The following SMARCC1 variants were observed in gnomAD, a reference collection of about 807,000 sequenced individuals.
The protein encoded by SMARCC1 is SWI/SNF complex subunit SMARCC1.
SMARCC1 carries 43 observed loss-of-function variants against 147.4 expected under a neutral mutation model. The observed-to-expected ratio is 0.29, with a 90% CI of 0.23 to 0.38. SMARCC1 has a LOEUF of 0.38. Ranked by LOEUF, SMARCC1 falls within the 10% of genes least tolerant of loss-of-function variation. SMARCC1 has a pLI of 1.00. For synonymous variants in SMARCC1, 495 were observed against 484.4 expected, an observed-to-expected ratio of 1.02 and a Z score of -0.29; for missense variants, 1,119 against 1,381.1, an observed-to-expected ratio of 0.81 and a Z score of 3.01.
At chr3:47,769,601 C>T (rs1239844345) in intron 2 of SMARCC1, among the ~76,000 whole-genome samples, 1 of 152,094 alleles carries the variant, frequency 6.6e-6, no homozygotes, top group Non-Finnish European at 1.5e-5. Flanking sequence ...AGAACTCACA[C>T]TCAACTTTCA....
intron 21 of SMARCC1, among the ~76,000 whole-genome samples, chr3:47,643,972 C>T (rs1405412852): frequency 2.0e-5 from 3 of 152,244 alleles, no homozygotes; most frequent in South Asian, 4.2e-4. Flanking sequence ...GGGAGGAATG[C>T]GGCCAGCAAT....
chr3:47,677,150 G>A (rs901871023), intron 16 of SMARCC1, among the ~76,000 whole-genome samples: 3 of 152,164 alleles, frequency 2.0e-5, no homozygotes, highest in Non-Finnish European at 2.9e-5. Flanking sequence ...AGGCTGGAGT[G>A]CAATGGTGCG....
chr3:47,773,781 C>A (rs2034942737), intron 1 of SMARCC1, among the ~76,000 whole-genome samples: 1 of 151,922 alleles, frequency 6.6e-6, no homozygotes, highest in Non-Finnish European at 1.5e-5. Flanking sequence ...AGGCGCGCAA[C>A]CACCATGCCC....
intron 21 of SMARCC1, among the ~76,000 whole-genome samples, chr3:47,639,054 A>C (rs2033012952): frequency 6.6e-6 from 1 of 152,186 alleles, no homozygotes; most frequent in South Asian, 2.1e-4. Context: ...TCAATTGGGA[A>C]AGGGGAGGTC....
chr3:47,684,363 C>T (rs1226963988), intron 14 of SMARCC1, among the ~76,000 whole-genome samples: 1 of 151,512 alleles, frequency 6.6e-6, no homozygotes, highest in Non-Finnish European at 1.5e-5. Context: ...AACATTTTTA[C>T]ATGCCAGGAT....
rs765475787 is a variant in SMARCC1 at position 47,636,054 on chromosome 3, T to C, written c.2459A>G (p.Gln820Arg). 25 of 1,599,022 alleles carry C rather than the reference T, an allele frequency of 1.6e-5. No homozygotes were observed. The African/African-American group carries it at 1.7e-4, about 11-fold the overall frequency. ...GENEKNSEKEQDSEVSEDTKS... is the reference protein window; with the variant it reads ...GENEKNSEKERDSEVSEDTKS... ...GGTATCCTCACTCACTTCACTATCC[T>C]GTTCCTTTTCACTATTTTTTTCATT... The change falls in exon 23 of 28, where the codon CAG becomes CGG. Residue 820 changes from glutamine (Q) to arginine (R), a missense_variant. Around this residue, in one of 6 missense-constraint regions of SMARCC1, gnomAD observed 157 missense variants for 158.6 expected, o/e 0.99. Transcript: ENST00000254480.
chr3:47,591,546 G>C (rs1167151341), intron 26 of SMARCC1, among the ~76,000 whole-genome samples: 2 of 150,270 alleles, frequency 1.3e-5, no homozygotes, highest in African/African-American at 4.9e-5. Flanking sequence ...CCTTTTGTTT[G>C]TTTCTTTCTT....
intron 6 of SMARCC1, 106 bp from the exon 7 acceptor site, chr3:47,720,841 A>G: frequency 2.2e-6 from 2 of 905,680 alleles, no homozygotes; most frequent in Non-Finnish European, 3.5e-6. Context: ...CTAACGAACA[A>G]CATTTTTCGA....
intron 2 of SMARCC1, among the ~76,000 whole-genome samples, chr3:47,753,768 G>A (rs911553056): frequency 4.1e-5 from 6 of 145,186 alleles, no homozygotes; most frequent in South Asian, 2.2e-4. Flanking sequence ...AAAAAGAAAC[G>A]TGTTTCTATG....
intron 10 of SMARCC1, among the ~76,000 whole-genome samples, chr3:47,703,983 A>G (rs2033959267): frequency 6.6e-6 from 1 of 152,054 alleles, no homozygotes. Flanking sequence ...TATTTTTAGT[A>G]GAGACAGCGT....
intron 18 of SMARCC1, among the ~76,000 whole-genome samples, chr3:47,671,475 C>A (rs1182244558): frequency 1.3e-5 from 2 of 152,098 alleles, no homozygotes; most frequent in Non-Finnish European, 2.9e-5. Context: ...CTGCAATAAG[C>A]CCATATTATC....
At position 47,588,076 on chromosome 3, in the gene SMARCC1, G is replaced by A. The variant is rs1222165628; in HGVS notation, c.*133C>T. On this transcript the variant is annotated 3_prime_UTR_variant, in exon 28 of 28. Transcript: ENST00000254480. ...AGAGGGGTGGTAAGAGGAGTGGGGAGGCACGGGACACGTGCTTGGAGCTGT... is the reference window on the plus strand; with the variant it reads ...AGAGGGGTGGTAAGAGGAGTGGGGAAGCACGGGACACGTGCTTGGAGCTGT... 4.4e-6 allele frequency: 3 copies of A among 679,656 alleles called. No homozygotes were observed. Among genetic ancestry groups the A allele is most frequent in the Admixed American group, 5.7e-5 (2 of 34,868 alleles). 42.1% of individuals were successfully genotyped at this position (679,656 alleles called of 1,614,324 possible).
chr3:47,681,423 C>T (rs958986145), intron 14 of SMARCC1, among the ~76,000 whole-genome samples: 6 of 151,996 alleles, frequency 3.9e-5, no homozygotes, highest in Non-Finnish European at 8.8e-5. Flanking sequence ...TATATGCAAA[C>T]GCTAATAATT....
At chr3:47,712,195 G>A (rs1270362526) in intron 8 of SMARCC1, among the ~76,000 whole-genome samples, 2 of 152,110 alleles carry the variant, frequency 1.3e-5, no homozygotes, top group African/African-American at 4.8e-5. Flanking sequence ...TCACGCCATT[G>A]CACTCCAGCC....
chr3:47,682,379 G>A (rs1408755803), intron 14 of SMARCC1, among the ~76,000 whole-genome samples: 2 of 151,910 alleles, frequency 1.3e-5, no homozygotes, highest in South Asian at 2.1e-4. Flanking sequence ...CCTAAGCTCA[G>A]GCAATCTTTC....
At chr3:47,652,954 T>TC (rs2033209786) in intron 21 of SMARCC1, among the ~76,000 whole-genome samples, 1 of 148,778 alleles carries the variant, frequency 6.7e-6, no homozygotes, top group East Asian at 2.0e-4. Flanking sequence ...ACTTTCTTTT[T>TC]TTTTTTTTTT....
At chr3:47,755,378 T>C (rs1257780398) in intron 2 of SMARCC1, among the ~76,000 whole-genome samples, 2 of 149,832 alleles carry the variant, frequency 1.3e-5, no homozygotes, top group Non-Finnish European at 1.5e-5. Context: ...CAGCCTGTAG[T>C]CCGAACTACT....
chr3:47,687,962 TTAA>T (rs1447623743), intron 13 of SMARCC1, among the ~76,000 whole-genome samples: 2 of 152,186 alleles, frequency 1.3e-5, no homozygotes, highest in South Asian at 2.1e-4. Flanking sequence ...GTAATGTTCA[TTAA>T]TAAGTGGCTC....
At chr3:47,712,146 C>A (rs1372528341) in intron 8 of SMARCC1, among the ~76,000 whole-genome samples, 5 of 152,112 alleles carry the variant, frequency 3.3e-5, no homozygotes, top group Non-Finnish European at 7.4e-5. Context: ...GCAGGAGAAT[C>A]ACTTGAACCC....
Sources: gnomAD v4.1 joint callset for allele counts (sites outside exome capture counted in the v4.1 genomes callset) on GRCh38, gnomAD v4.1.1 for gene constraint, gnomAD v4.1.1 regional missense constraint, MANE v1.5 for transcripts, NCBI Gene and HGNC (gene_info 2026-07-23, HGNC 2026-07-21) for gene names.